Variants in ACOT12 observed in about 807,000 individuals in gnomAD.
The protein encoded by ACOT12 is acyl-CoA thioesterase 12, also known as acetyl-coenzyme A thioesterase.
In ACOT12, 51 loss-of-function variants were observed where a neutral mutation model predicts 67.7. The ratio of observed to expected loss-of-function variants is 0.75; its 90% CI spans 0.60 to 0.95. The LOEUF (loss-of-function observed/expected upper bound fraction) is 0.95, where lower values mean the gene tolerates loss of function less well. ACOT12 is among the 40% of genes least tolerant of loss of function. The pLI is 0.00. For synonymous variants in ACOT12, 251 were observed against 244.6 expected, an observed-to-expected ratio of 1.03 and a Z score of -0.24; for missense variants, 734 against 708.1, an observed-to-expected ratio of 1.04 and a Z score of -0.41.
intron 2 of ACOT12, among the ~76,000 whole-genome samples, chr5:81,374,611 T>G (rs556804300): frequency 6.6e-6 from 1 of 152,100 alleles, no homozygotes; most frequent in African/African-American, 2.4e-5. Flanking sequence ...TTAGAGGAAT[T>G]GCTAACTAGA....
At chr5:81,383,257 T>C (rs1760636554) in intron 2 of ACOT12, among the ~76,000 whole-genome samples, 1 of 152,108 alleles carries the variant, frequency 6.6e-6, no homozygotes, top group African/African-American at 2.4e-5. Context: ...AGCTGCCCTG[T>C]AGTCCCAGCT....
At chr5:81,324,922 G>A in the ACOT12 span, among the ~76,000 whole-genome samples, 1 of 152,110 alleles carries the variant, frequency 6.6e-6, no homozygotes, top group Non-Finnish European at 1.5e-5. Flanking sequence ...AAGGTGTGAA[G>A]ACCACCTCTA....
chr5:81,334,209 C>T (rs1457376886), intron 12 of ACOT12, among the ~76,000 whole-genome samples: 1 of 152,154 alleles, frequency 6.6e-6, no homozygotes, highest in Non-Finnish European at 1.5e-5. Context: ...CCGTTTTTTC[C>T]AGTACACTAA....
the ACOT12 span, among the ~76,000 whole-genome samples, chr5:81,319,690 C>G: frequency 3.3e-5 from 5 of 151,162 alleles, no homozygotes; most frequent in African/African-American, 1.2e-4. Flanking sequence ...GCACTCCAGC[C>G]TGGGCAACAA....
chr5:81,391,018 T>G (rs1457499160), intron 1 of ACOT12, among the ~76,000 whole-genome samples: 1 of 152,166 alleles, frequency 6.6e-6, no homozygotes, highest in Non-Finnish European at 1.5e-5. Flanking sequence ...GTTGGTTTTG[T>G]TTTTGGTTTT....
the ACOT12 span, among the ~76,000 whole-genome samples, chr5:81,317,185 C>T: frequency 6.6e-6 from 1 of 152,130 alleles, no homozygotes; most frequent in South Asian, 2.1e-4. Context: ...AAAGAACTAC[C>T]CAAGGCTGGG....
chr5:81,393,927 A>C, intron 1 of ACOT12, 61 bp downstream of exon 1: 3 of 1,263,062 alleles, frequency 2.4e-6, no homozygotes, highest in Non-Finnish European at 3.0e-6. Flanking sequence ...CCCAGCCCCC[A>C]GCCGCCGCCG....
intron 7 of ACOT12, 105 bp downstream of exon 7, chr5:81,345,780 T>A: frequency 1.2e-5 from 18 of 1,440,016 alleles, no homozygotes; most frequent in Non-Finnish European, 1.7e-5. Flanking sequence ...ATGAAAAAAA[T>A]GGAATTTCAC....
intron 2 of ACOT12, among the ~76,000 whole-genome samples, chr5:81,379,358 A>G (rs139349471): frequency 9.7e-4 from 147 of 152,188 alleles, no homozygotes; most frequent in Middle Eastern, 3.4e-3. Flanking sequence ...GAGGGATAGT[A>G]TTAGGAGAAA....
chr5:81,371,856 C>A, intron 2 of ACOT12, 46 bp from the exon 3 acceptor site: 1 of 1,534,172 alleles, frequency 6.5e-7, no homozygotes, highest in South Asian at 1.1e-5. Context: ...TAGCACATTT[C>A]ATTTCAGATA....
intron 3 of ACOT12, among the ~76,000 whole-genome samples, chr5:81,370,460 T>A (rs189581429): frequency 9.7e-4 from 147 of 152,328 alleles, no homozygotes; most frequent in Non-Finnish European, 1.4e-3. Context: ...TGTAATTAGT[T>A]AAGATGAGGC....
At chr5:81,327,598 A>G (rs1294403332), downstream of ACOT12, among the ~76,000 whole-genome samples, 4 of 152,146 alleles carry the variant, frequency 2.6e-5, no homozygotes, top group African/African-American at 9.7e-5. Flanking sequence ...GCAGCACCAC[A>G]CCCAGCTAAT....
At chr5:81,362,322 C>T (rs757083140) in intron 4 of ACOT12, among the ~76,000 whole-genome samples, 5 of 152,080 alleles carry the variant, frequency 3.3e-5, no homozygotes, top group Admixed American at 6.5e-5. Flanking sequence ...TGCACCACCA[C>T]GCCCAGTTAA....
At chr5:81,327,930 A>C (rs1205513628), downstream of ACOT12, among the ~76,000 whole-genome samples, 2 of 152,172 alleles carry the variant, frequency 1.3e-5, no homozygotes, top group African/African-American at 2.4e-5. Context: ...ACTGCTGATG[A>C]ACTAACTTAG....
chr5:81,328,996 G>A (rs371804215), downstream of ACOT12, among the ~76,000 whole-genome samples: 6 of 152,140 alleles, frequency 3.9e-5, no homozygotes, highest in East Asian at 1.9e-4. Context: ...AATAGCACAC[G>A]TGCCTAGTGC....
intron 11 of ACOT12, 136 bp from the exon 12 acceptor site, chr5:81,336,037 ATG>A (rs1364703698): frequency 1.0e-5 from 4 of 400,578 alleles, no homozygotes; most frequent in Admixed American, 7.2e-5. Context: ...TTGAAGCCCC[ATG>A]GCAATTTCTC....
In ACOT12 at chr5:81,330,453, C is replaced by G. The variant is rs532812999; in HGVS notation, c.1609G>C (p.Ala537Pro). 3.1e-6 allele frequency: 5 copies of G among 1,614,112 alleles called. No homozygotes were observed. The African/African-American group carries it at 6.7e-5, about 22-fold the overall frequency. ...GWSKSIEETA[A>P]SCIQFLENPP... ...TTCTCTAAGAACTGTATACAAGAGG[C>G]TGCTGTTTCTTCAATGGATTTTGAC... The change falls in exon 15 of 15, where the codon GCC (alanine) becomes CCC (proline). Residue 537 changes from alanine to proline, a missense_variant. By Grantham distance (27) the Ala-to-Pro change is conservative. Transcript: ENST00000307624.
Position 81,359,889 on chromosome 5 carries a change from G to A in ACOT12, c.496+14C>T. Reference sequence around the variant, plus strand: ...AGTTATAGAATTAAAATTCTTATAAGTGGATTTACTGACCATCAAATTTGC... The same window carrying A: ...AGTTATAGAATTAAAATTCTTATAAATGGATTTACTGACCATCAAATTTGC... On this transcript the variant is annotated intron_variant, in intron 5 of 14. Coordinates refer to ENST00000307624, the MANE Select transcript of ACOT12 (RefSeq NM_130767.3). 3.1e-6 allele frequency: 5 copies of A among 1,598,160 alleles called. No homozygotes were observed. The South Asian group carries it at 5.7e-5, about 18-fold the overall frequency.
chr5:81,360,596 C>T (rs930035108), intron 4 of ACOT12, among the ~76,000 whole-genome samples: 1 of 152,102 alleles, frequency 6.6e-6, no homozygotes, highest in Non-Finnish European at 1.5e-5. Context: ...CTTCCAGAAA[C>T]CTGGAAATAT....
Sources: gnomAD v4.1 joint callset for allele counts (sites outside exome capture counted in the v4.1 genomes callset) on GRCh38, gnomAD v4.1.1 for gene constraint, MANE v1.5 for transcripts, NCBI Gene and HGNC (gene_info 2026-07-23, HGNC 2026-07-21) for gene names.